Variants in RBFOX3 observed in about 807,000 individuals in gnomAD.
The protein encoded by RBFOX3 is RNA binding protein fox-1 homolog 3.
RBFOX3 carries 17 observed loss-of-function variants against 48.7 expected under a neutral mutation model. The observed-to-expected ratio is 0.35, with a 90% CI of 0.24 to 0.52. The LOEUF (loss-of-function observed/expected upper bound fraction) is 0.52. RBFOX3 is among the 20% of genes least tolerant of loss of function. RBFOX3 has a pLI of 0.94. For missense variants in RBFOX3, 382 were observed against 497.5 expected, an observed-to-expected ratio of 0.77 and a Z score of 2.21; for synonymous variants, 212 against 209.5, an observed-to-expected ratio of 1.01 and a Z score of -0.10.
intron 1 of RBFOX3, among the ~76,000 whole-genome samples, chr17:79,559,825 GTTA>G: frequency 6.9e-6 from 1 of 145,340 alleles, no homozygotes; most frequent in Non-Finnish European, 1.5e-5. Flanking sequence ...GTGGGTGGAT[GTTA>G]GGTGGTGAAT....
chr17:79,340,039 C>T (rs1323715156), intron 2 of RBFOX3, among the ~76,000 whole-genome samples: 1 of 152,208 alleles, frequency 6.6e-6, no homozygotes, highest in Non-Finnish European at 1.5e-5. Context: ...CGGCTCACAC[C>T]TGTAATCCCA....
intron 3 of RBFOX3, among the ~76,000 whole-genome samples, chr17:79,248,044 T>G (rs995562035): frequency 6.6e-6 from 1 of 152,354 alleles, no homozygotes; most frequent in Non-Finnish European, 1.5e-5. Context: ...CAGCAGGAGC[T>G]GCTCAGGGCT....
chr17:79,211,557 G>A (rs191896812), intron 4 of RBFOX3, among the ~76,000 whole-genome samples: 98 of 152,312 alleles, frequency 6.4e-4, no homozygotes, highest in Middle Eastern at 6.8e-3. Context: ...GGGCCGTGTC[G>A]CTGCTGCCAG....
chr17:79,298,016 G>A (rs1015999150), intron 3 of RBFOX3, among the ~76,000 whole-genome samples: 6 of 152,168 alleles, frequency 3.9e-5, no homozygotes, highest in Non-Finnish European at 5.9e-5. Context: ...AAGCAAATAC[G>A]AAACACATTT....
chr17:79,397,498 A>G (rs546324954), intron 2 of RBFOX3, among the ~76,000 whole-genome samples: 1 of 150,324 alleles, frequency 6.7e-6, no homozygotes, highest in Non-Finnish European at 1.5e-5. Context: ...ATCCCCAAAA[A>G]AAAAAAAAAA....
chr17:79,499,047 T>C (rs1834311294), intron 1 of RBFOX3, among the ~76,000 whole-genome samples: 2 of 150,368 alleles, frequency 1.3e-5, no homozygotes, highest in African/African-American at 4.9e-5. Context: ...CATCTACCCA[T>C]CCATCCATCC....
chr17:79,241,109 G>A (rs2062302298), intron 3 of RBFOX3, among the ~76,000 whole-genome samples: 1 of 152,022 alleles, frequency 6.6e-6, no homozygotes, highest in South Asian at 2.1e-4. Context: ...CCAAGTAGCT[G>A]AGACTACAGG....
intron 6 of RBFOX3, among the ~76,000 whole-genome samples, chr17:79,106,093 C>T (rs1302770705): frequency 1.3e-5 from 2 of 152,230 alleles, no homozygotes; most frequent in African/African-American, 4.8e-5. Flanking sequence ...GCTTCACTTC[C>T]CATTGACTGT....
chr17:79,507,118 C>G (rs2149797408), intron 1 of RBFOX3, among the ~76,000 whole-genome samples: 1 of 152,200 alleles, frequency 6.6e-6, no homozygotes, highest in South Asian at 2.1e-4. Flanking sequence ...GATGGCAGAC[C>G]CCCGGGGGAG....
intron 5 of RBFOX3, among the ~76,000 whole-genome samples, chr17:79,110,052 G>A (rs1439772916): frequency 6.6e-6 from 1 of 151,426 alleles, no homozygotes; most frequent in Non-Finnish European, 1.5e-5. Flanking sequence ...GGGGATGGGG[G>A]CCTTCCCACA....
intron 5 of RBFOX3, among the ~76,000 whole-genome samples, chr17:79,107,984 G>T (rs541214688): frequency 6.6e-6 from 1 of 152,336 alleles, no homozygotes; most frequent in South Asian, 2.1e-4. Flanking sequence ...GGAACAGCAG[G>T]CTGACAATGT....
chr17:79,127,617 GC>G (rs1195806902), intron 4 of RBFOX3, among the ~76,000 whole-genome samples: 2 of 152,170 alleles, frequency 1.3e-5, no homozygotes, highest in Non-Finnish European at 2.9e-5. Flanking sequence ...AGGCCCAGGT[GC>G]CCCCGACCGG....
intron 4 of RBFOX3, among the ~76,000 whole-genome samples, chr17:79,230,191 T>C (rs150626896): frequency 6.6e-6 from 1 of 152,356 alleles, no homozygotes; most frequent in Non-Finnish European, 1.5e-5. Flanking sequence ...CCCAGTTTTC[T>C]CATGTTCCTC....
intron 2 of RBFOX3, among the ~76,000 whole-genome samples, chr17:79,409,461 A>C (rs548867380): frequency 6.6e-6 from 1 of 152,222 alleles, no homozygotes; most frequent in Non-Finnish European, 1.5e-5. Flanking sequence ...TACATCCAAC[A>C]ATGCACAAGG....
intron 4 of RBFOX3, among the ~76,000 whole-genome samples, chr17:79,173,293 T>C (rs538050298): frequency 4.7e-4 from 71 of 152,320 alleles, no homozygotes; most frequent in African/African-American, 1.7e-3. Flanking sequence ...GTATTTCCAT[T>C]TGACAGCGTT....
intron 4 of RBFOX3, among the ~76,000 whole-genome samples, chr17:79,133,300 AC>A (rs2143501178): frequency 6.6e-6 from 1 of 152,308 alleles, no homozygotes; most frequent in African/African-American, 2.4e-5. Flanking sequence ...ATCCATGGTC[AC>A]TACCAGCTCC....
At chr17:79,633,020 A>G in the RBFOX3 span, among the ~76,000 whole-genome samples, 2 of 152,208 alleles carry the variant, frequency 1.3e-5, no homozygotes, top group Non-Finnish European at 2.9e-5. Context: ...CCAGTCAGGA[A>G]TTTCTCAGCC....
At chr17:79,507,040 G>A (rs2083248347) in intron 1 of RBFOX3, among the ~76,000 whole-genome samples, 1 of 152,230 alleles carries the variant, frequency 6.6e-6, no homozygotes, top group Admixed American at 6.5e-5. Context: ...CCCGTTGGTG[G>A]AATCTGATGC....
At chr17:79,097,128 T>C (rs1813234829) in intron 11 of RBFOX3, among the ~76,000 whole-genome samples, 164 bp downstream of exon 11, 1 of 151,744 alleles carries the variant, frequency 6.6e-6, no homozygotes, top group Non-Finnish European at 1.5e-5. Flanking sequence ...GGGGTGAAGA[T>C]AATGGAGGCA....
Sources: gnomAD v4.1 joint callset for allele counts (sites outside exome capture counted in the v4.1 genomes callset) on GRCh38, gnomAD v4.1.1 for gene constraint, MANE v1.5 for transcripts, NCBI Gene and HGNC (gene_info 2026-07-23, HGNC 2026-07-21) for gene names.